Variants in ADA2 observed in about 807,000 individuals in gnomAD.
ADA2 encodes adenosine deaminase CECR1.
ADA2 carries 29 observed loss-of-function variants against 44.2 expected under a neutral mutation model. The ratio of observed to expected loss-of-function variants is 0.66; its 90% CI spans 0.49 to 0.89. The LOEUF (loss-of-function observed/expected upper bound fraction) is 0.89, where lower values mean the gene tolerates loss of function less well. Ranked by LOEUF, ADA2 falls within the 40% of genes least tolerant of loss-of-function variation. ADA2 has a pLI of 0.00. For synonymous variants in ADA2, 215 were observed against 234.9 expected (o/e 0.92, Z 0.77); for missense variants, 637 against 644.8 (o/e 0.99, Z 0.13).
intron 7 of ADA2, among the ~76,000 whole-genome samples, chr22:17,183,955 CTTTT>C (rs33921509): frequency 2.5e-5 from 2 of 79,778 alleles, no homozygotes; most frequent in African/African-American, 5.3e-5. Flanking sequence ...TCACACCTTT[CTTTT>C]TTTTTTTTTT....
intron 7 of ADA2, among the ~76,000 whole-genome samples, chr22:17,184,746 T>C (rs779970936): frequency 4.6e-5 from 7 of 150,550 alleles, no homozygotes; most frequent in Non-Finnish European, 1.0e-4. Context: ...ATGGGCAACA[T>C]AGAGACACCC....
intron 2 of ADA2, among the ~76,000 whole-genome samples, chr22:17,208,439 A>G (rs2062379030): frequency 1.9e-5 from 2 of 105,974 alleles, no homozygotes; most frequent in South Asian, 2.9e-4. Flanking sequence ...AAAAAAGAAA[A>G]AAAAAGAAAA....
At chr22:17,210,689 C>T (rs1415125320) in intron 1 of ADA2, among the ~76,000 whole-genome samples, 1 of 152,062 alleles carries the variant, frequency 6.6e-6, no homozygotes, top group Admixed American at 6.6e-5. Flanking sequence ...CCTCCGCCTC[C>T]AGGGTTTAAG....
At chr22:17,188,233 G>C (rs1252824520) in intron 7 of ADA2, 106 bp downstream of exon 7, 6 of 707,916 alleles carry the variant, frequency 8.5e-6, no homozygotes, top group Non-Finnish European at 1.5e-5. Context: ...GCACAGGAAA[G>C]GGCTCTGGAA....
upstream of ADA2, among the ~76,000 whole-genome samples, chr22:17,220,344 A>G (rs9606655): frequency 0.69 from 105,251 of 151,838 alleles, 37,067 homozygotes; most frequent in East Asian, 0.89. Flanking sequence ...CAGGACGGTC[A>G]GAGTCAGACC....
At chr22:17,191,286 A>G (rs1172637538) in intron 5 of ADA2, among the ~76,000 whole-genome samples, 1 of 152,240 alleles carries the variant, frequency 6.6e-6, no homozygotes, top group East Asian at 1.9e-4. Context: ...TCCGTGATCA[A>G]GGACTCACAC....
intron 4 of ADA2, chr22:17,193,097 AAAAC>A (rs2062141634): frequency 8.4e-7 from 1 of 1,184,690 alleles, no homozygotes; most frequent in Non-Finnish European, 1.2e-6. Context: ...GCAACAAAAA[AAAAC>A]AAAGAACACG....
chr22:17,199,570 G>T lies in ADA2; in HGVS notation c.753+3993C>A, dbSNP rs772934083. On this transcript the variant is annotated intron_variant, in intron 4 of 9. Transcript: ENST00000399837. ...CTACCAGAGCCCAGTTCCATTCCAG[G>T]GAATCCATCTCCCCTCCGGAAAAAG... The T allele has an allele frequency of 4.3e-6, 7 of 1,613,914 alleles. No homozygotes were observed. The African/African-American group carries it at 9.3e-5, about 22-fold the overall frequency.
At chr22:17,199,436 C>CCTCTTCCCCTCCCTCCCCACCTCTATA in intron 4 of ADA2, 2 of 1,000,782 alleles carry the variant, frequency 2.0e-6, no homozygotes, top group Non-Finnish European at 3.2e-6. Context: ...CCTCCTCTAT[C>CCTCTTCCCCTCCCTCCCCACCTCTATA]CTCTTCCCCT....
intron 1 of ADA2, among the ~76,000 whole-genome samples, chr22:17,216,616 C>T (rs1016854292): frequency 1.3e-5 from 2 of 151,868 alleles, no homozygotes; most frequent in African/African-American, 4.8e-5. Flanking sequence ...AATACAAAAA[C>T]TAGCCATGTG....
chr22:17,217,679 GAACCTGT>G (rs2062486553), intron 1 of ADA2, among the ~76,000 whole-genome samples: 1 of 152,080 alleles, frequency 6.6e-6, no homozygotes. Context: ...GTGGTGTATT[GAACCTGT>G]AGTCCCAGCT....
chr22:17,184,864 G>C (rs886779543), intron 7 of ADA2, among the ~76,000 whole-genome samples: 1 of 145,010 alleles, frequency 6.9e-6, no homozygotes, highest in Admixed American at 7.0e-5. Context: ...AGGAGGTGGA[G>C]GCTGTAGTGA....
chr22:17,218,136 C>T (rs1263413866), intron 1 of ADA2, among the ~76,000 whole-genome samples: 2 of 152,154 alleles, frequency 1.3e-5, no homozygotes, highest in South Asian at 2.1e-4. Flanking sequence ...AATTTTAAAA[C>T]ATGTATTAGC....
chr22:17,206,386 G>T (rs1043040077), intron 3 of ADA2, among the ~76,000 whole-genome samples: 1 of 151,960 alleles, frequency 6.6e-6, no homozygotes, highest in Non-Finnish European at 1.5e-5. Context: ...GAACCCGGGA[G>T]GCAGAGGCTG....
At chr22:17,181,707 T>C (rs1372224373) in intron 9 of ADA2, 113 bp downstream of exon 9, 1 of 1,096,956 alleles carries the variant, frequency 9.1e-7, no homozygotes, top group Non-Finnish European at 1.4e-6. Flanking sequence ...ACAGCCATGA[T>C]GAGAAGGAAC....
At chr22:17,191,288 G>A (rs2123649710) in intron 5 of ADA2, among the ~76,000 whole-genome samples, 1 of 152,302 alleles carries the variant, frequency 6.6e-6, no homozygotes, top group African/African-American at 2.4e-5. Context: ...CGTGATCAAG[G>A]ACTCACACAC....
chr22:17,215,813 G>C (rs1176093623), intron 1 of ADA2, among the ~76,000 whole-genome samples: 1 of 152,092 alleles, frequency 6.6e-6, no homozygotes, highest in Admixed American at 6.6e-5. Context: ...GTAGACATGG[G>C]GGATGAAGAG....
upstream of ADA2, among the ~76,000 whole-genome samples, chr22:17,220,898 G>C (rs1601475426): frequency 6.6e-6 from 1 of 152,290 alleles, no homozygotes; most frequent in East Asian, 1.9e-4. Context: ...ACTAGGCTGG[G>C]CTCAGTGGTG....
intron 1 of ADA2, chr22:17,213,947 G>A (rs2062443933): frequency 6.1e-6 from 2 of 326,642 alleles, no homozygotes; most frequent in Admixed American, 4.3e-5. Context: ...GCTGAGGCAG[G>A]AGAATCGCTT....
Sources: allele counts gnomAD v4.1 joint callset (sites outside exome capture counted in the v4.1 genomes callset), GRCh38; gene constraint gnomAD v4.1.1; transcripts MANE v1.5; gene names NCBI Gene and HGNC (gene_info 2026-07-23, HGNC 2026-07-21).